MAP2K5: variants seen among roughly 807,000 people sequenced by gnomAD.
MAP2K5 encodes the protein dual specificity mitogen-activated protein kinase kinase 5.
A neutral mutation model predicts 83.1 loss-of-function variants in MAP2K5; 49 were observed. The observed-to-expected ratio is 0.59, with a 90% CI of 0.47 to 0.75. The LOEUF (loss-of-function observed/expected upper bound fraction) is 0.75. Ranked by LOEUF, MAP2K5 falls within the 30% of genes least tolerant of loss-of-function variation. The pLI is 0.00. For synonymous variants in MAP2K5, 202 were observed against 191.8 expected (o/e 1.05, Z -0.44); for missense variants, 457 against 557.5 (o/e 0.82, Z 1.82).
rs148712328 is a variant in MAP2K5, at chr15:67,599,056, A to G, written c.481-1629A>G. Among the ~76,000 whole-genome samples, 296 of 152,280 alleles carry G rather than the reference A, an allele frequency of 1.9e-3. 1 individual carries two copies. The highest frequency in any genetic ancestry group is 0.011 in the East Asian group (59 of 5,186). ...ATTGATCAAAGTAAACCAAACAGCA[A>G]CTCTGCTAGTTTAGCATCTCGTCAC... On this transcript the variant is annotated intron_variant, in intron 7 of 21. Transcript: ENST00000178640.
chr15:67,776,186 A>C (rs1218207663), intron 21 of MAP2K5, among the ~76,000 whole-genome samples: 1 of 152,082 alleles, frequency 6.6e-6, no homozygotes, highest in Non-Finnish European at 1.5e-5. Flanking sequence ...TACCGACAGA[A>C]GACAGGTAGA....
rs2089681911 is a variant in MAP2K5 at position 67,749,854 on chromosome 15, T to TC, written c.1134+1258dup. Among the ~76,000 whole-genome samples the TC allele has an allele frequency of 6.6e-6, 1 of 152,122 alleles. No homozygotes were observed. Among genetic ancestry groups the TC allele is most frequent in the African/African-American group, 2.4e-5 (1 of 41,414 alleles). On this transcript the variant is annotated intron_variant, in intron 19 of 21. Transcript: ENST00000178640. The surrounding 1 kb of genome is among the most constrained non-coding windows in gnomAD (Gnocchi z 4.6). ...CCCAATTTAACTGGTTTTCCTGAGG[T>TC]CCCCCTCCAGTTTTGCTTGAGGAAG...
At chr15:67,715,231 C>CGGG (rs1175347713) in intron 16 of MAP2K5, among the ~76,000 whole-genome samples, 6 of 129,102 alleles carry the variant, frequency 4.6e-5, no homozygotes, top group African/African-American at 1.8e-4. Flanking sequence ...TTTTTTTGGG[C>CGGG]GGGGAGGGGG....
intron 6 of MAP2K5, among the ~76,000 whole-genome samples, chr15:67,591,190 C>T (rs910990508): frequency 1.9e-4 from 29 of 151,786 alleles, no homozygotes; most frequent in African/African-American, 6.8e-4. Flanking sequence ...GCTAAAAATA[C>T]AAAAATTAGC....
intron 3 of MAP2K5, among the ~76,000 whole-genome samples, chr15:67,579,982 T>C (rs1248583200): frequency 6.6e-6 from 1 of 152,194 alleles, no homozygotes; most frequent in East Asian, 1.9e-4. Flanking sequence ...TTGTTATTTG[T>C]CGAGCATTAT....
intron 8 of MAP2K5, chr15:67,628,852 T>G: frequency 2.7e-6 from 2 of 749,372 alleles, no homozygotes; most frequent in Non-Finnish European, 4.9e-6. Context: ...ATGGTGGCTT[T>G]GATGGCAGCC....
intron 21 of MAP2K5, among the ~76,000 whole-genome samples, chr15:67,789,007 A>G (rs1341963958): frequency 6.6e-6 from 1 of 151,780 alleles, no homozygotes; most frequent in Non-Finnish European, 1.5e-5. Context: ...GTACAGAAGG[A>G]TATACAGTAA....
Position 67,658,279 on chromosome 15 carries a change from A to G in MAP2K5, c.737-274A>G, listed in dbSNP as rs911706674. 2.0e-5 allele frequency among the ~76,000 whole-genome samples: 3 copies of G among 152,110 alleles called. No individual in the cohort carries two copies. In the East Asian group the frequency reaches 5.8e-4, roughly 29 times the overall value. On this transcript the variant is annotated intron_variant, in intron 11 of 21. Transcript: ENST00000178640. ...TTGTGTATGTATTTAAGTTTACATAAAGTATAGTTTCTTAGCTTGCCCTTG... is the reference window on the plus strand; with the variant it reads ...TTGTGTATGTATTTAAGTTTACATAGAGTATAGTTTCTTAGCTTGCCCTTG...
chr15:67,654,751 A>T (rs2087029777), intron 11 of MAP2K5, among the ~76,000 whole-genome samples: 1 of 152,150 alleles, frequency 6.6e-6, no homozygotes, highest in African/African-American at 2.4e-5. Flanking sequence ...TCAGATTAAC[A>T]CTGACTTTAT....
chr15:67,564,403 T>TA (rs2084799012), intron 3 of MAP2K5, among the ~76,000 whole-genome samples: 1 of 152,218 alleles, frequency 6.6e-6, no homozygotes, highest in African/African-American at 2.4e-5. Context: ...ACCCTAATCT[T>TA]AGTCAACAGT....
At chr15:67,691,910 A>T (rs1351880385) in intron 13 of MAP2K5, among the ~76,000 whole-genome samples, 3 of 152,232 alleles carry the variant, frequency 2.0e-5, no homozygotes, top group African/African-American at 7.2e-5. Context: ...CTTTTAGATA[A>T]ATTTCTAAGT....
rs552308359 is a variant in MAP2K5 at position 67,622,934 on chromosome 15, TA to T, written c.546-7949del. On this transcript the variant is annotated intron_variant, in intron 8 of 21. Coordinates refer to ENST00000178640, the MANE Select transcript of MAP2K5 (RefSeq NM_145160.3). ...TAACACAGTGAAAGCCCATCTCTACTAAAAATACAAAAACAAAATTAGCCGG... is the reference window on the plus strand; with the variant it reads ...TAACACAGTGAAAGCCCATCTCTACTAAAATACAAAAACAAAATTAGCCGG... Among the ~76,000 whole-genome samples the T allele has an allele frequency of 4.4e-3, 669 of 152,038 alleles. 4 individuals carry two copies. The highest frequency in any genetic ancestry group is 6.8e-3 in the Middle Eastern group (2 of 294).
At chr15:67,557,732 A>G in intron 2 of MAP2K5, among the ~76,000 whole-genome samples, 1 of 152,192 alleles carries the variant, frequency 6.6e-6, no homozygotes, top group East Asian at 1.9e-4. Flanking sequence ...CCTGTAGGAG[A>G]TACTCTTGTG....
intron 8 of MAP2K5, among the ~76,000 whole-genome samples, chr15:67,622,779 C>A (rs2086217304): frequency 6.6e-6 from 1 of 152,132 alleles, no homozygotes; most frequent in East Asian, 1.9e-4. Flanking sequence ...GGAGAAGCAT[C>A]AAAGTTTAAC....
At chr15:67,591,161 A>T (rs141028376) in intron 6 of MAP2K5, among the ~76,000 whole-genome samples, 1 of 151,968 alleles carries the variant, frequency 6.6e-6, no homozygotes, top group Non-Finnish European at 1.5e-5. Context: ...CCTGGCCAAC[A>T]TGGTGAAACC....
intron 5 of MAP2K5, among the ~76,000 whole-genome samples, chr15:67,586,540 G>A (rs2085295101): frequency 6.6e-6 from 1 of 152,104 alleles, no homozygotes; most frequent in Non-Finnish European, 1.5e-5. Context: ...TATTCTTAAT[G>A]TACTTTTTGA....
At position 67,802,864 on chromosome 15, in the gene MAP2K5, C is replaced by T. The variant is rs1939487415; in HGVS notation, c.1243-3782C>T. Among the ~76,000 whole-genome samples, 1 of 152,204 alleles carries T rather than the reference C, an allele frequency of 6.6e-6. No individual in the cohort carries two copies. The highest frequency in any genetic ancestry group is 2.4e-5 in the African/African-American group (1 of 41,452). On this transcript the variant is annotated intron_variant, in intron 21 of 21. Coordinates refer to ENST00000178640, the MANE Select transcript of MAP2K5 (RefSeq NM_145160.3). The surrounding 1 kb of genome is among the most constrained non-coding windows in gnomAD (Gnocchi z 5.0). ...GATTCCTCTGCCTGGGAGGGATGTA[C>T]ATTTCACCCAAGCCCAGGGGAGGGA...
At position 67,724,663 on chromosome 15, in the gene MAP2K5, T is replaced by A. The variant is rs1373339984; in HGVS notation, c.1045-3253T>A. On this transcript the variant is annotated intron_variant, in intron 16 of 21. Transcript: ENST00000178640. The surrounding 1 kb of genome is among the most constrained non-coding windows in gnomAD (Gnocchi z 4.4). ...ACTTGATAAAAAGAGTTCTAGAGCC[T>A]GGCTATATGTTTCCTTCTACTTTTC... is the stretch of plus-strand genomic sequence containing the variant. 6.6e-6 allele frequency among the ~76,000 whole-genome samples: 1 copy of A among 152,236 alleles called. No homozygotes were observed. The highest frequency in any genetic ancestry group is 1.5e-5 in the Non-Finnish European group (1 of 68,044).
At chr15:67,789,956 C>G (rs77962705) in intron 21 of MAP2K5, among the ~76,000 whole-genome samples, 1 of 152,084 alleles carries the variant, frequency 6.6e-6, no homozygotes, top group Non-Finnish European at 1.5e-5. Context: ...GGTCCAGGCC[C>G]GAGTGTCCTT....
Sources: allele counts gnomAD v4.1 joint callset (sites outside exome capture counted in the v4.1 genomes callset), GRCh38; gene constraint gnomAD v4.1.1; non-coding constraint Gnocchi (gnomAD v3.1); transcripts MANE v1.5; gene names NCBI Gene and HGNC (gene_info 2026-07-23, HGNC 2026-07-21).